GRK1: variants seen among roughly 807,000 people sequenced by gnomAD.
GRK1 encodes G protein-coupled receptor kinase 1, also known as rhodopsin kinase GRK1.
Under a neutral mutation model 41.7 loss-of-function variants are expected in GRK1, and 28 were observed. That is an observed-to-expected ratio of 0.67 (90% confidence interval 0.50 to 0.92). The LOEUF is 0.92. GRK1 is among the 40% of genes least tolerant of loss of function. GRK1 has a pLI of 0.00. For missense variants in GRK1, 703 were observed against 671.2 expected (o/e 1.05, Z -0.52); for synonymous variants, 327 against 286.7 (o/e 1.14, Z -1.42).
the GRK1 span, among the ~76,000 whole-genome samples, chr13:113,659,940 T>G: frequency 6.6e-6 from 1 of 152,144 alleles, no homozygotes; most frequent in Non-Finnish European, 1.5e-5. Context: ...GCTCTTGAAA[T>G]GAACAAAGTA....
chr13:113,667,264 C>A lies in GRK1; in HGVS notation c.-123C>A. 2 of 995,382 alleles carry A rather than the reference C, an allele frequency of 2.0e-6. No individual in the cohort carries two copies. Among genetic ancestry groups the A allele is most frequent in the Non-Finnish European group, 2.9e-6 (2 of 696,042 alleles). 61.7% of individuals were successfully genotyped at this position (995,382 alleles called of 1,614,324 possible). ...GACAGGGCCAGGGCGTCTCTCTCGT[C>A]CAGCAAGGGCAGGGACGGGCCACAG... On this transcript the variant is annotated 5_prime_UTR_variant, in exon 1 of 7. Transcript: ENST00000335678. This position sits in a 1 kb window ranked among gnomAD's most constrained non-coding sequence, Gnocchi z 7.5.
chr13:113,659,173 G>A, the GRK1 span, among the ~76,000 whole-genome samples: 1 of 152,186 alleles, frequency 6.6e-6, no homozygotes, highest in East Asian at 1.9e-4. Flanking sequence ...AGTCTTGTTG[G>A]GCGGCGCACT....
the GRK1 span, among the ~76,000 whole-genome samples, chr13:113,650,225 A>G: frequency 2.6e-5 from 4 of 151,934 alleles, no homozygotes; most frequent in African/African-American, 9.7e-5. This position sits in a 1 kb window ranked among gnomAD's most constrained non-coding sequence, Gnocchi z 5.0. Context: ...GCGTGAGAGG[A>G]ATGTTTCCAG....
upstream of GRK1, among the ~76,000 whole-genome samples, chr13:113,663,317 C>A (rs1232809166): frequency 6.6e-6 from 1 of 152,214 alleles, no homozygotes. Flanking sequence ...AGACCTTCAA[C>A]CTCTTAAACC....
chr13:113,727,378 T>C (rs1219461173), intron 4 of GRK1, among the ~76,000 whole-genome samples: 1 of 152,074 alleles, frequency 6.6e-6, no homozygotes, highest in Non-Finnish European at 1.5e-5. Context: ...GTGTGGACTG[T>C]GGGCTTTGAG....
At position 113,733,702 on chromosome 13, in the gene GRK1, T is replaced by A. The variant is rs559970416; in HGVS notation, c.1396+617T>A. 4.8e-5 allele frequency among the ~76,000 whole-genome samples: 7 copies of A among 145,002 alleles called. No homozygotes were observed. In the East Asian group the frequency reaches 1.5e-3, roughly 30 times the overall value. ...GTGCATGTATGTGTGCATACATGTG[T>A]GCGTGTGTGCGCACGTGTGTGTGCG... On this transcript the variant is annotated intron_variant, in intron 6 of 6. Transcript: ENST00000335678.
At chr13:113,666,649 C>T (rs923304368), upstream of GRK1, among the ~76,000 whole-genome samples, 1 of 152,100 alleles carries the variant, frequency 6.6e-6, no homozygotes, top group Admixed American at 6.5e-5. Flanking sequence ...TCACCAGCAA[C>T]TGCCTCTTGA....
rs1323064958 is a variant in GRK1, at chr13:113,732,734, A to T, written c.1195-150A>T. 2.5e-5 allele frequency: 19 copies of T among 745,110 alleles called. No individual in the cohort carries two copies. In the Admixed American group the frequency reaches 5.4e-4, roughly 21 times the overall value. The allele number at this position is 745,110 out of a possible 1,614,324, so 46.2% of individuals were successfully genotyped here. ...ATTCCATTCCTGAGACTGGAGCCTC[A>T]AACGCTGCTGTGCTGGGGAGGGGCA... On this transcript the variant is annotated intron_variant, in intron 5 of 6. Transcript: ENST00000335678.
At chr13:113,728,367 A>T (rs1316455031) in intron 4 of GRK1, among the ~76,000 whole-genome samples, 1 of 137,220 alleles carries the variant, frequency 7.3e-6, no homozygotes, top group Non-Finnish European at 1.5e-5. Context: ...GGCGATGAGG[A>T]GTACCCATGG....
rs967436121 is a variant in GRK1, at chr13:113,667,828, C to A, written c.442C>A (p.Pro148Thr). The A allele has an allele frequency of 1.9e-6, 3 of 1,594,446 alleles. No individual in the cohort carries two copies. Among genetic ancestry groups the A allele is most frequent in the African/African-American group, 2.7e-5 (2 of 74,288 alleles). Residue 148 changes from proline (P) to threonine (T), a missense_variant, in exon 1 of 7, where the codon CCC becomes ACC. Transcript: ENST00000335678. The surrounding 1 kb of genome is among the most constrained non-coding windows in gnomAD (Gnocchi z 7.5). ...PVEIQDGLFQ[P>T]LLQATLAHLG... ...GGAGATCCAGGACGGGCTCTTCCAG[C>A]CCCTGCTGCAGGCCACCCTGGCACA...
chr13:113,733,851 A>ATGTGTGCATACGTGTGTGCG (rs1388494386), intron 6 of GRK1, among the ~76,000 whole-genome samples: 2 of 73,816 alleles, frequency 2.7e-5, no homozygotes, highest in African/African-American at 6.6e-5. Flanking sequence ...GTGCATGTGT[A>ATGTGTGCATACGTGTGTGCG]TGTGTGCATA....
chr13:113,728,166 G>A lies in GRK1; in HGVS notation c.1070-3053G>A, dbSNP rs2049905749. ...GATGAGGAGTACCCATGGCGATGAG[G>A]AATACCCATGGCGAGGAGTACCCAT... On this transcript the variant is annotated intron_variant, in intron 4 of 6. Transcript: ENST00000335678. Among the ~76,000 whole-genome samples the A allele has an allele frequency of 2.0e-5, 2 of 98,876 alleles. 1 individual carries two copies. The highest frequency in any genetic ancestry group is 2.0e-4 in the Admixed American group (2 of 9,904). The allele number at this position is 98,876 out of a possible 152,430, so 64.9% of individuals were successfully genotyped here. A position where few individuals can be genotyped will look rare whatever the true frequency, so the allele number is the denominator to read the frequency against.
At chr13:113,734,842 G>A in intron 6 of GRK1, 1 of 415,464 alleles carries the variant, frequency 2.4e-6, no homozygotes, top group Non-Finnish European at 4.2e-6. Flanking sequence ...TGGGATCTCA[G>A]GCTTCTTCCG....
the GRK1 span, among the ~76,000 whole-genome samples, chr13:113,656,671 G>C: frequency 6.6e-6 from 1 of 152,186 alleles, no homozygotes; most frequent in South Asian, 2.1e-4. Flanking sequence ...TAAGAATAAC[G>C]TGTCCTATTC....
At chr13:113,654,876 T>C in the GRK1 span, 11 of 1,614,064 alleles carry the variant, frequency 6.8e-6, no homozygotes, top group Admixed American at 1.5e-4. Flanking sequence ...CATCAGCACA[T>C]AGAGGCACAG....
upstream of GRK1, among the ~76,000 whole-genome samples, chr13:113,662,656 T>C (rs1729512475): frequency 1.3e-5 from 2 of 152,176 alleles, no homozygotes; most frequent in Admixed American, 6.5e-5. Flanking sequence ...ATACTAGCAA[T>C]AGGCATATGG....
the GRK1 span, chr13:113,648,681 C>G: frequency 6.6e-6 from 1 of 152,218 alleles, no homozygotes; most frequent in African/African-American, 2.4e-5. Flanking sequence ...AACCATCAGG[C>G]TGCCGACACA....
intron 4 of GRK1, among the ~76,000 whole-genome samples, chr13:113,725,017 G>A (rs182981641): frequency 1.6e-3 from 245 of 152,372 alleles, no homozygotes; most frequent in Middle Eastern, 3.4e-3. Context: ...GCCGGCGCCC[G>A]TTCCTCGGAG....
At chr13:113,655,125 G>A in the GRK1 span, among the ~76,000 whole-genome samples, 1 of 151,832 alleles carries the variant, frequency 6.6e-6, no homozygotes, top group African/African-American at 2.4e-5. Context: ...TCCCAGCGCC[G>A]CACCACCGGC....
Sources: gnomAD v4.1 joint callset for allele counts (sites outside exome capture counted in the v4.1 genomes callset) on GRCh38, gnomAD v4.1.1 for gene constraint, Gnocchi (gnomAD v3.1) non-coding constraint, MANE v1.5 for transcripts, NCBI Gene and HGNC (gene_info 2026-07-23, HGNC 2026-07-21) for gene names.